The following TMEM135 variants were observed in gnomAD, a reference collection of about 807,000 sequenced individuals.
TMEM135 encodes the protein transmembrane protein 135, also known as peroxisomal membrane protein 52.
TMEM135 carries 30 observed loss-of-function variants against 60.3 expected under a neutral mutation model. The ratio of observed to expected loss-of-function variants is 0.50; its 90% CI spans 0.37 to 0.68. TMEM135 has a LOEUF of 0.68. Among genes scored for constraint, TMEM135 ranks in the 30% least tolerant of loss-of-function variants. The pLI is 0.00. For synonymous variants in TMEM135, 190 were observed against 186.7 expected (o/e 1.02, Z -0.14); for missense variants, 468 against 548.8 (o/e 0.85, Z 1.47).
intron 5 of TMEM135, among the ~76,000 whole-genome samples, chr11:87,194,875 G>A (rs1006248183): frequency 1.3e-5 from 2 of 152,008 alleles, no homozygotes; most frequent in Non-Finnish European, 2.9e-5. Flanking sequence ...GTGTCATGAG[G>A]TTATCTTTTA....
chr11:87,202,227 T>C (rs1940118503), intron 5 of TMEM135, among the ~76,000 whole-genome samples: 1 of 152,146 alleles, frequency 6.6e-6, no homozygotes, highest in Non-Finnish European at 1.5e-5. Flanking sequence ...GGTTTTGCCA[T>C]GTTGGCCAGG....
chr11:87,259,158 A>G, intron 6 of TMEM135: 1 of 637,182 alleles, frequency 1.6e-6, no homozygotes, highest in African/African-American at 1.8e-5. Context: ...GGTCTCATCT[A>G]GCTTCTCCTC....
At chr11:87,311,817 A>C (rs1942645117) in intron 10 of TMEM135, among the ~76,000 whole-genome samples, 1 of 151,528 alleles carries the variant, frequency 6.6e-6, no homozygotes. Context: ...TGGTTAACTG[A>C]CCCTTTTTTA....
At chr11:87,072,944 A>T (rs977512757) in intron 3 of TMEM135, among the ~76,000 whole-genome samples, 2 of 152,220 alleles carry the variant, frequency 1.3e-5, no homozygotes, top group African/African-American at 2.4e-5. Flanking sequence ...ACTTATGAAG[A>T]TGCTTATTGT....
intron 3 of TMEM135, among the ~76,000 whole-genome samples, chr11:87,089,407 C>T (rs561594014): frequency 6.6e-6 from 1 of 152,128 alleles, no homozygotes; most frequent in South Asian, 2.1e-4. Context: ...GTAGTGTGCA[C>T]CTACTGAAAC....
At chr11:87,159,617 A>ACACACACACACC (rs140303858) in intron 5 of TMEM135, among the ~76,000 whole-genome samples, 112 of 149,456 alleles carry the variant, frequency 7.5e-4, no homozygotes, top group African/African-American at 2.7e-3. Context: ...ACACACACAC[A>ACACACACACACC]CCATAGATTT....
At chr11:87,266,977 G>C (rs571576905) in intron 6 of TMEM135, among the ~76,000 whole-genome samples, 3 of 152,184 alleles carry the variant, frequency 2.0e-5, no homozygotes. Flanking sequence ...GTTTTGCCAG[G>C]TGGAGGTGAT....
chr11:87,185,913 C>CTTTTTTTTTTT lies in TMEM135; in HGVS notation c.462+28517_462+28518insTTTTTTTTTTT, dbSNP rs367985910. Reference sequence around the variant, plus strand: ...GTTTCAATCTGTTGTAGTTATCCTTCTTTTTTTTTTGTGAGACAGAGGTTC... The same window carrying CTTTTTTTTTTT: ...GTTTCAATCTGTTGTAGTTATCCTTCTTTTTTTTTTTTTTTTTTTTTGTGAGACAGAGGTTC... On this transcript the variant is annotated intron_variant, in intron 5 of 14. Coordinates refer to ENST00000305494, the MANE Select transcript of TMEM135 (RefSeq NM_022918.4). 1.8e-3 allele frequency among the ~76,000 whole-genome samples: 244 copies of CTTTTTTTTTTT among 138,840 alleles called. 5 individuals are homozygous for CTTTTTTTTTTT. Among genetic ancestry groups the CTTTTTTTTTTT allele is most frequent in the African/African-American group, 5.4e-3 (196 of 36,606 alleles). The allele number at this position is 138,840 out of a possible 152,430, so 91.1% of individuals were successfully genotyped here.
At chr11:87,225,469 C>A in intron 5 of TMEM135, among the ~76,000 whole-genome samples, 1 of 151,920 alleles carries the variant, frequency 6.6e-6, no homozygotes, top group East Asian at 1.9e-4. Context: ...TCTCCTCACT[C>A]CCTTTTTTAC....
intron 6 of TMEM135, among the ~76,000 whole-genome samples, chr11:87,284,823 TTTC>T (rs1226696076): frequency 6.6e-6 from 1 of 152,192 alleles, no homozygotes; most frequent in Non-Finnish European, 1.5e-5. Context: ...GTATGTGAGT[TTTC>T]TTAAAATAGG....
At chr11:87,068,808 CAAAA>C (rs3045939) in intron 2 of TMEM135, among the ~76,000 whole-genome samples, 4 of 127,906 alleles carry the variant, frequency 3.1e-5, no homozygotes, top group African/African-American at 2.8e-5. Context: ...CAGACTGTCT[CAAAA>C]AAAAAAAAAA....
In TMEM135 at chr11:87,321,362, A is replaced by T. The variant is rs1429602264; in HGVS notation, c.*29A>T. ...TGACTGTAACTTATTAATGTGACTA[A>T]ATGTTTCATCTTGAAGAGTTAATTA... On this transcript the variant is annotated 3_prime_UTR_variant, in exon 15 of 15. Coordinates refer to ENST00000305494, the MANE Select transcript of TMEM135 (RefSeq NM_022918.4). The T allele has an allele frequency of 6.2e-7, 1 of 1,612,606 alleles. No individual in the cohort carries two copies. The highest frequency in any genetic ancestry group is 8.5e-7 in the Non-Finnish European group (1 of 1,178,944).
chr11:87,190,244 C>G (rs1464300803), intron 5 of TMEM135, among the ~76,000 whole-genome samples: 2 of 152,154 alleles, frequency 1.3e-5, no homozygotes, highest in South Asian at 4.1e-4. Context: ...GAAGTACTGT[C>G]ACTGACTACT....
intron 1 of TMEM135, among the ~76,000 whole-genome samples, chr11:87,039,418 T>C (rs1949732159): frequency 6.6e-6 from 1 of 152,176 alleles, no homozygotes; most frequent in Non-Finnish European, 1.5e-5. Flanking sequence ...GTAATGCTGA[T>C]GGTGGGGGCT....
At chr11:87,067,347 A>T (rs1856686344) in intron 1 of TMEM135, among the ~76,000 whole-genome samples, 1 of 151,642 alleles carries the variant, frequency 6.6e-6, no homozygotes, top group Non-Finnish European at 1.5e-5. Flanking sequence ...ATATAGTTTT[A>T]TTATACCATC....
In TMEM135 at chr11:87,216,853, A is replaced by G. The variant is rs181576311; in HGVS notation, c.463-19785A>G. Among the ~76,000 whole-genome samples, 611 of 152,328 alleles carry G rather than the reference A, an allele frequency of 4.0e-3. 1 individual carries two copies. Among genetic ancestry groups the G allele is most frequent in the Non-Finnish European group, 6.1e-3 (415 of 68,020 alleles). On this transcript the variant is annotated intron_variant, in intron 5 of 14. Transcript: ENST00000305494. ...ATGATGCTTTAAAAACACATTTTAG[A>G]ACACAGCAATCCAAAATTTAGAGCA...
intron 6 of TMEM135, among the ~76,000 whole-genome samples, chr11:87,268,853 C>T (rs1941805462): frequency 6.6e-6 from 1 of 152,034 alleles, no homozygotes; most frequent in South Asian, 2.1e-4. Context: ...AGGTTTTTCT[C>T]TTAGAAGCCT....
chr11:87,058,074 A>G (rs1949910532), intron 1 of TMEM135, among the ~76,000 whole-genome samples: 1 of 152,206 alleles, frequency 6.6e-6, no homozygotes, highest in Non-Finnish European at 1.5e-5. Flanking sequence ...GAAATCAGGC[A>G]GGAGGAGTTT....
At chr11:87,151,608 A>G (rs557148811) in intron 4 of TMEM135, among the ~76,000 whole-genome samples, 28 of 150,096 alleles carry the variant, frequency 1.9e-4, no homozygotes, top group Non-Finnish European at 3.7e-4. Context: ...TCTTTTACCT[A>G]TTTCAATGTG....
Sources: allele counts gnomAD v4.1 joint callset (sites outside exome capture counted in the v4.1 genomes callset), GRCh38; gene constraint gnomAD v4.1.1; transcripts MANE v1.5; gene names NCBI Gene and HGNC (gene_info 2026-07-23, HGNC 2026-07-21).